CTTN: variants seen among roughly 807,000 people sequenced by gnomAD.
CTTN encodes cortactin, also known as src substrate cortactin.
In CTTN, 28 loss-of-function variants were observed where a neutral mutation model predicts 84.0. The ratio of observed to expected loss-of-function variants is 0.33; its 90% CI spans 0.25 to 0.46. CTTN has a LOEUF of 0.46. CTTN is among the 20% of genes least tolerant of loss of function. The pLI, the probability that CTTN is intolerant of heterozygous loss-of-function variation, is 1.00. For missense variants in CTTN, 641 were observed against 723.8 expected (o/e 0.89, Z 1.31); for synonymous variants, 301 against 288.8 (o/e 1.04, Z -0.43).
intron 13 of CTTN, among the ~76,000 whole-genome samples, chr11:70,426,924 T>C (rs1407615289): frequency 1.3e-5 from 2 of 151,908 alleles, no homozygotes; most frequent in East Asian, 3.9e-4. Context: ...TTAGTAGAGA[T>C]GAGGTCTCAC....
At chr11:70,399,907 G>C (rs979646837) in intron 1 of CTTN, among the ~76,000 whole-genome samples, 1 of 152,156 alleles carries the variant, frequency 6.6e-6, no homozygotes, top group African/African-American at 2.4e-5. Flanking sequence ...AGCCCGGCCG[G>C]GCCCAAGGCC....
intron 3 of CTTN, 55 bp downstream of exon 3, chr11:70,407,439 G>C: frequency 6.2e-7 from 1 of 1,612,750 alleles, no homozygotes; most frequent in Non-Finnish European, 8.5e-7. Context: ...TGGCTCTCCT[G>C]GGTTTTTCTT....
intron 5 of CTTN, among the ~76,000 whole-genome samples, chr11:70,411,075 A>G (rs2135559698): frequency 6.6e-6 from 1 of 152,290 alleles, no homozygotes; most frequent in Middle Eastern, 3.4e-3. Flanking sequence ...TGACACCGAG[A>G]AGAGCAATGT....
In CTTN at chr11:70,414,571, A is replaced by T. The variant is rs762946254; in HGVS notation, c.321A>T (p.Lys107Asn). 32 of 1,614,004 alleles carry T rather than the reference A, an allele frequency of 2.0e-5. No homozygotes were observed. Among genetic ancestry groups the T allele is most frequent in the African/African-American group, 2.7e-5 (2 of 74,916 alleles). ...CTGTCGGCCACGAATATCAGTCGAAACTTTCCAAGCACTGCTCGCAGGTGG... is the reference window on the plus strand; with the variant it reads ...CTGTCGGCCACGAATATCAGTCGAATCTTTCCAAGCACTGCTCGCAGGTGG... ...KSAVGHEYQS[K>N]LSKHCSQVDS... The change falls in exon 6 of 18, where the codon AAA (lysine) becomes AAT (asparagine). Residue 107 changes from lysine to asparagine, a missense_variant. This residue lies in a region of CTTN where 284 missense variants were observed against 348.4 expected (regional missense o/e 0.82). Transcript: ENST00000301843.
rs2058328617 is a variant in CTTN, at chr11:70,429,156, C to T, written c.1133C>T (p.Ala378Val). The T allele has an allele frequency of 6.2e-7, 1 of 1,613,910 alleles. No homozygotes were observed. Among genetic ancestry groups the T allele is most frequent in the Non-Finnish European group, 8.5e-7 (1 of 1,180,044 alleles). Residue 378 changes from alanine (A) to valine (V), a missense_variant, in exon 14 of 18, where the codon GCC (alanine) becomes GTC (valine). Physicochemically the swap from Ala to Val is moderately conservative, Grantham distance 64. Transcript: ENST00000301843. ...KAEAERAQRM[A>V]KERQEQEEAR... ...GAGGCGGAGAGAGCCCAGCGGATGG[C>T]CAAGGAGCGGCAGGAGCAGGAAGAG...
At chr11:70,425,147 T>G (rs1448978398) in intron 12 of CTTN, among the ~76,000 whole-genome samples, 185 bp from the exon 13 acceptor site, 1 of 152,072 alleles carries the variant, frequency 6.6e-6, no homozygotes, top group East Asian at 1.9e-4. Context: ...CCTGCAAATG[T>G]GGTTGGTAAT....
intron 1 of CTTN, among the ~76,000 whole-genome samples, chr11:70,400,701 A>G (rs1227346659): frequency 2.6e-5 from 4 of 152,234 alleles, no homozygotes; most frequent in Non-Finnish European, 5.9e-5. Flanking sequence ...GTGCTCAGAA[A>G]AGGTGTCCTG....
At chr11:70,419,233 C>G (rs961692855) in intron 8 of CTTN, among the ~76,000 whole-genome samples, 13 of 151,928 alleles carry the variant, frequency 8.6e-5, no homozygotes, top group African/African-American at 3.1e-4. Flanking sequence ...GCCTCAGCCT[C>G]CCGAGTAGCT....
At chr11:70,403,769 T>G (rs2058013330) in intron 1 of CTTN, among the ~76,000 whole-genome samples, 4 of 152,208 alleles carry the variant, frequency 2.6e-5, no homozygotes, top group African/African-American at 9.6e-5. Context: ...TCAAACTTAT[T>G]TCCTATTGGT....
At chr11:70,427,227 G>A (rs1235207837) in intron 13 of CTTN, among the ~76,000 whole-genome samples, 3 of 152,078 alleles carry the variant, frequency 2.0e-5, no homozygotes, top group Admixed American at 6.5e-5. Context: ...GTCCACGCCT[G>A]TAATCCCAGC....
intron 17 of CTTN, among the ~76,000 whole-genome samples, chr11:70,434,319 C>G (rs2058390306): frequency 2.0e-5 from 3 of 152,240 alleles, no homozygotes; most frequent in Admixed American, 2.0e-4. Flanking sequence ...ACTTGTCCCT[C>G]TGTCTCAGCC....
At chr11:70,412,456 C>T (rs908501353) in intron 5 of CTTN, among the ~76,000 whole-genome samples, 4 of 151,908 alleles carry the variant, frequency 2.6e-5, no homozygotes, top group Non-Finnish European at 4.4e-5. Context: ...GATTCCAAAC[C>T]GAAGGGGAAA....
intron 14 of CTTN, 22 bp downstream of exon 14, chr11:70,429,221 G>A (rs368847058): frequency 5.7e-5 from 91 of 1,602,006 alleles, no homozygotes; most frequent in Middle Eastern, 4.3e-4. Context: ...GGAGTGGGCC[G>A]CAGCGCACCC....
chr11:70,427,795 T>C (rs532046327), intron 13 of CTTN, among the ~76,000 whole-genome samples: 82 of 152,370 alleles, frequency 5.4e-4, no homozygotes, highest in African/African-American at 1.9e-3. Flanking sequence ...ACATTTGCTG[T>C]CATCATCTAT....
chr11:70,409,781 C>T, intron 4 of CTTN, 50 bp from the exon 5 acceptor site: 1 of 1,594,928 alleles, frequency 6.3e-7, no homozygotes, highest in Non-Finnish European at 8.6e-7. Flanking sequence ...GGAGGCAAAG[C>T]TGCACGTCTG....
chr11:70,399,971 G>C (rs1197018800), intron 1 of CTTN, among the ~76,000 whole-genome samples: 2 of 152,196 alleles, frequency 1.3e-5, no homozygotes, highest in Non-Finnish European at 2.9e-5. Flanking sequence ...GTGTTTGACC[G>C]TGTGGGTGAG....
Position 70,420,151 on chromosome 11 carries a change from G to T in CTTN, c.680-249G>T, listed in dbSNP as rs189452152. 364 of 594,802 alleles carry T rather than the reference G, an allele frequency of 6.1e-4. 2 individuals are homozygous for T. The highest frequency in any genetic ancestry group is 6.0e-3 in the African/African-American group (323 of 53,950). 36.8% of individuals were successfully genotyped at this position (594,802 alleles called of 1,614,324 possible). A position where few individuals can be genotyped will look rare whatever the true frequency, so the allele number is the denominator to read the frequency against. On this transcript the variant is annotated intron_variant, in intron 9 of 17. Transcript: ENST00000301843. ...CTGTCTCATGGTGCGGGTGGAAGCCGCATGCGTGGGAGCTTCCATGGGGTC... is the reference window on the plus strand; with the variant it reads ...CTGTCTCATGGTGCGGGTGGAAGCCTCATGCGTGGGAGCTTCCATGGGGTC...
intron 11 of CTTN, 27 bp from the exon 12 acceptor site, chr11:70,422,913 T>C (rs768252177): frequency 3.1e-6 from 5 of 1,613,922 alleles, no homozygotes; most frequent in Non-Finnish European, 3.4e-6. Context: ...CACCTCAGAG[T>C]AAGTGTTGTG....
chr11:70,414,994 C>T (rs781146884), intron 6 of CTTN, among the ~76,000 whole-genome samples: 2 of 151,950 alleles, frequency 1.3e-5, no homozygotes, highest in Non-Finnish European at 2.9e-5. Context: ...GAGCCTATAC[C>T]GGGGGGGCAG....
Sources: allele counts gnomAD v4.1 joint callset (sites outside exome capture counted in the v4.1 genomes callset), GRCh38; gene constraint gnomAD v4.1.1; regional missense constraint gnomAD v4.1.1; transcripts MANE v1.5; gene names NCBI Gene and HGNC (gene_info 2026-07-23, HGNC 2026-07-21).